SIGLEC10: variants seen among roughly 807,000 people sequenced by gnomAD.
SIGLEC10 encodes sialic acid-binding Ig-like lectin 10.
Under a neutral mutation model 68.3 loss-of-function variants are expected in SIGLEC10, and 45 were observed. That is an observed-to-expected ratio of 0.66 (90% confidence interval 0.52 to 0.84). The LOEUF is 0.84. Among genes scored for constraint, SIGLEC10 ranks in the 40% least tolerant of loss-of-function variants. The probability of loss-of-function intolerance (pLI) is 0.00; values close to 1 mark genes in which losing one functional copy is unlikely to be tolerated. For missense variants in SIGLEC10, 789 were observed against 883.1 expected (o/e 0.89, Z 1.35); for synonymous variants, 379 against 370.8 (o/e 1.02, Z -0.26).
Position 51,410,994 on chromosome 19 carries a change from G to GAGAA in SIGLEC10, c.*104_*105insTTCT. 1 of 824,412 alleles carries GAGAA rather than the reference G, an allele frequency of 1.2e-6. No individual in the cohort carries two copies. The highest frequency in any genetic ancestry group is 3.3e-5 in the East Asian group (1 of 30,562). The allele number at this position is 824,412 out of a possible 1,614,324, so 51.1% of individuals were successfully genotyped here. A position where few individuals can be genotyped will look rare whatever the true frequency, so the allele number is the denominator to read the frequency against. The stretch of plus-strand genomic sequence containing the variant: ...AGAGAAAGAGAGAGAGAGAGAGAAA[G>GAGAA]AGAGAGAGAGAGGGAGAGAAGGAAA... On this transcript the variant is annotated 3_prime_UTR_variant, in exon 11 of 11. Coordinates refer to ENST00000339313, the MANE Select transcript of SIGLEC10 (RefSeq NM_033130.5).
rs998518465 is a variant in SIGLEC10, at chr19:51,411,074, C to T, written c.*25G>A. On this transcript the variant is annotated 3_prime_UTR_variant, in exon 11 of 11. Coordinates refer to ENST00000339313, the MANE Select transcript of SIGLEC10 (RefSeq NM_033130.5). The stretch of plus-strand genomic sequence containing the variant: ...CTCTACCTTCCTCCCTAGCCGAAGT[C>T]CCAGTCCTAAAGCCTAAGAGACCCT... 1.2e-6 allele frequency: 2 copies of T among 1,600,640 alleles called. No homozygotes were observed. The highest frequency in any genetic ancestry group is 2.7e-5 in the African/African-American group (2 of 74,192).
At chr19:51,416,265 A>G (rs750535320) in intron 4 of SIGLEC10, 45 bp downstream of exon 4, 11 of 1,613,474 alleles carry the variant, frequency 6.8e-6, no homozygotes, top group Middle Eastern at 1.7e-4. Flanking sequence ...AAGCCTTTTC[A>G]TCTAAAGACA....
Position 51,414,537 on chromosome 19 carries a change from T to C in SIGLEC10, c.1616-22A>G. ...TTATCTGCACACGGAGAGGGCAAGGTGAGCATTTCCCATCCACGCAGGGCT... is the reference window on the plus strand; with the variant it reads ...TTATCTGCACACGGAGAGGGCAAGGCGAGCATTTCCCATCCACGCAGGGCT... On this transcript the variant is annotated intron_variant, in intron 8 of 10. Transcript: ENST00000339313. The surrounding 1 kb of genome is among the most constrained non-coding windows in gnomAD (Gnocchi z 4.1). 1 of 1,608,628 alleles carries C rather than the reference T, an allele frequency of 6.2e-7. No homozygotes were observed. The highest frequency in any genetic ancestry group is 1.3e-5 in the African/African-American group (1 of 74,910).
At position 51,413,716 on chromosome 19, in the gene SIGLEC10, G is replaced by A. The variant is rs1988220102; in HGVS notation, c.1817C>T (p.Pro606Leu). The change falls in exon 10 of 11, where the codon CCC (proline) becomes CTC (leucine). Residue 606 changes from proline (P) to leucine (L), a missense_variant. Physicochemically the swap from Pro to Leu is moderately conservative, Grantham distance 98 (BLOSUM62 -3). Coordinates refer to ENST00000339313, the MANE Select transcript of SIGLEC10 (RefSeq NM_033130.5). ...AAGCATGGCCCAGACACTCACCAGG[G>A]GGCCAGCCGTCGGGACCACATTGAT... ...DYINVVPTAG[P>L]LAQKRNQKAT... The A allele has an allele frequency of 6.2e-7, 1 of 1,613,934 alleles. No homozygotes were observed. Among genetic ancestry groups the A allele is most frequent in the East Asian group, 2.2e-5 (1 of 44,876 alleles).
chr19:51,410,946 G>A lies in SIGLEC10; in HGVS notation c.*153C>T. 2 of 924,312 alleles carry A rather than the reference G, an allele frequency of 2.2e-6. No homozygotes were observed. Among genetic ancestry groups the A allele is most frequent in the Non-Finnish European group, 3.2e-6 (2 of 623,898 alleles). 57.3% of individuals were successfully genotyped at this position (924,312 alleles called of 1,614,324 possible). A position where few individuals can be genotyped will look rare whatever the true frequency, so the allele number is the denominator to read the frequency against. ...TTACAGGCGTGAGCCACTGTGCCCTGGCCAGATGTTTTTTTAAAAGAGAGA... is the reference window on the plus strand; with the variant it reads ...TTACAGGCGTGAGCCACTGTGCCCTAGCCAGATGTTTTTTTAAAAGAGAGA... On this transcript the variant is annotated 3_prime_UTR_variant, in exon 11 of 11. Transcript: ENST00000339313.
Position 51,415,360 on chromosome 19 carries a change from C to T in SIGLEC10, c.1151G>A (p.Ser384Asn). The change falls in exon 7 of 11, where the codon AGC (serine) becomes AAC (asparagine). Residue 384 changes from serine to asparagine, a missense_variant. Ser to Asn is a conservative substitution (Grantham distance 46). Transcript: ENST00000339313. ...CCAGCTCAGCCTGGCTGGGGGGCTG[C>T]TGTGTGTGACACAGACCAGGCACAG... ...QSLCLVCVTH[S>N]SPPARLSWTQ... The T allele has an allele frequency of 6.2e-7, 1 of 1,613,062 alleles. No individual in the cohort carries two copies. The highest frequency in any genetic ancestry group is 8.5e-7 in the Non-Finnish European group (1 of 1,179,412).
chr19:51,416,468 A>G lies in SIGLEC10; in HGVS notation c.707-111T>C, dbSNP rs148631225. On this transcript the variant is annotated intron_variant, in intron 3 of 10. Coordinates refer to ENST00000339313, the MANE Select transcript of SIGLEC10 (RefSeq NM_033130.5). ...GACTATCCCGGGAAGACAAGTGACA[A>G]CCAGCGCCAGGGCTCACGTGTGTGG... The G allele has an allele frequency of 4.9e-5, 78 of 1,607,122 alleles. 1 individual carries two copies. The East Asian group carries it at 6.9e-4, about 14-fold the overall frequency.
chr19:51,416,896 G>A lies in SIGLEC10; in HGVS notation c.476C>T (p.Pro159Leu), dbSNP rs143118289. ...GTTAAACACACAGATGACCGTCACCGGCTGCCCGGGCTCCAGGGTCTCGGG... is the reference window on the plus strand; with the variant it reads ...GTTAAACACACAGATGACCGTCACCAGCTGCCCGGGCTCCAGGGTCTCGGG... ...YIPETLEPGQPVTVICVFNWA... is the reference protein window; with the variant it reads ...YIPETLEPGQLVTVICVFNWA... The change falls in exon 3 of 11, where the codon CCG (proline) becomes CTG (leucine). Residue 159 changes from proline to leucine, a missense_variant. Physicochemically the swap from Pro to Leu is moderately conservative, Grantham distance 98 (BLOSUM62 -3). Coordinates refer to ENST00000339313, the MANE Select transcript of SIGLEC10 (RefSeq NM_033130.5). 55 of 1,613,990 alleles carry A rather than the reference G, an allele frequency of 3.4e-5. No individual in the cohort carries two copies. Among genetic ancestry groups the A allele is most frequent in the Admixed American group, 3.3e-4 (20 of 60,002 alleles).
Position 51,413,765 on chromosome 19 carries a change from G to C in SIGLEC10, c.1768C>G (p.Arg590Gly), listed in dbSNP as rs376850541. 16 of 1,613,972 alleles carry C rather than the reference G, an allele frequency of 9.9e-6. No homozygotes were observed. The highest frequency in any genetic ancestry group is 1.0e-5 in the Non-Finnish European group (12 of 1,180,022). ...ATGTAATCCAGGATCGTGCTGTGCC[G>C]GGAGAACCTGGGCCTCGGGGTTTCT... is the stretch of plus-strand genomic sequence containing the variant. ...QTETPRPRFS[R>G]HSTILDYINV... The change falls in exon 10 of 11, where the codon CGG (arginine) becomes GGG (glycine). Residue 590 changes from arginine (R) to glycine (G), a missense_variant. Coordinates refer to ENST00000339313, the MANE Select transcript of SIGLEC10 (RefSeq NM_033130.5).
chr19:51,413,039 C>G (rs577959596), intron 10 of SIGLEC10, among the ~76,000 whole-genome samples: 4 of 152,166 alleles, frequency 2.6e-5, no homozygotes, highest in African/African-American at 7.2e-5. Flanking sequence ...TGATTAGACA[C>G]CCACATGGAG....
At chr19:51,415,803 G>C in intron 5 of SIGLEC10, 95 bp downstream of exon 5, 1 of 1,585,702 alleles carries the variant, frequency 6.3e-7, no homozygotes, top group Admixed American at 1.8e-5. Context: ...CCGAGGCCTG[G>C]GGCTCCAGGC....
At chr19:51,415,641 C>A in intron 5 of SIGLEC10, 26 bp from the exon 6 acceptor site, 1 of 1,613,896 alleles carries the variant, frequency 6.2e-7, no homozygotes, top group Non-Finnish European at 8.5e-7. Flanking sequence ...GGGACCGGCT[C>A]TAGACGGACC....
At position 51,414,734 on chromosome 19, in the gene SIGLEC10, C is replaced by T. The variant is rs1260921311; in HGVS notation, c.1615+90G>A. The T allele has an allele frequency of 3.8e-6, 6 of 1,582,758 alleles. No individual in the cohort carries two copies. In the African/African-American group the frequency reaches 8.2e-5, roughly 22 times the overall value. On this transcript the variant is annotated intron_variant, in intron 8 of 10. Transcript: ENST00000339313. This position sits in a 1 kb window ranked among gnomAD's most constrained non-coding sequence, Gnocchi z 4.1. ...CAGATGCCACGGGTCTGCTGTGTCC[C>T]TCCAAGCTCCTGCTCCAACCACAGG...
rs762968568 is a variant in SIGLEC10, at chr19:51,415,015, C to A, written c.1424G>T (p.Arg475Leu). ...SSQASPAPSL[R>L]WWLGEELLEG... ...CAGCAGCTCCTCCCCAAGCCACCAG[C>A]GCAGAGAGGGGGCCGGGCTGGCCTG... Residue 475 changes from arginine to leucine, a missense_variant, in exon 8 of 11, where the codon CGC (arginine) becomes CTC (leucine). Physicochemically the swap from Arg to Leu is moderately radical, Grantham distance 102. Transcript: ENST00000339313. The A allele has an allele frequency of 2.5e-6, 4 of 1,611,162 alleles. No individual in the cohort carries two copies. Among genetic ancestry groups the A allele is most frequent in the Non-Finnish European group, 3.4e-6 (4 of 1,179,332 alleles).
Position 51,414,723 on chromosome 19 carries a change from C to T in SIGLEC10, c.1615+101G>A. On this transcript the variant is annotated intron_variant, in intron 8 of 10. Coordinates refer to ENST00000339313, the MANE Select transcript of SIGLEC10 (RefSeq NM_033130.5). This position sits in a 1 kb window ranked among gnomAD's most constrained non-coding sequence, Gnocchi z 4.1. Reference sequence around the variant, plus strand: ...CTGTCTACATACAGATGCCACGGGTCTGCTGTGTCCCTCCAAGCTCCTGCT... The same window carrying T: ...CTGTCTACATACAGATGCCACGGGTTTGCTGTGTCCCTCCAAGCTCCTGCT... 6 of 1,554,724 alleles carry T rather than the reference C, an allele frequency of 3.9e-6. No individual in the cohort carries two copies. Among genetic ancestry groups the T allele is most frequent in the Non-Finnish European group, 5.3e-6 (6 of 1,138,332 alleles).
intron 10 of SIGLEC10, among the ~76,000 whole-genome samples, chr19:51,413,477 T>C (rs1281719935): frequency 6.6e-6 from 1 of 152,208 alleles, no homozygotes; most frequent in Non-Finnish European, 1.5e-5. Flanking sequence ...AGAAAGTGCA[T>C]GTATTCTAAT....
At position 51,416,426 on chromosome 19, in the gene SIGLEC10, C is replaced by T. The variant is rs917262288; in HGVS notation, c.707-69G>A. On this transcript the variant is annotated intron_variant, in intron 3 of 10. Coordinates refer to ENST00000339313, the MANE Select transcript of SIGLEC10 (RefSeq NM_033130.5). ...TCCTCACACCTGGAAAAAACTCCCTCAGGGAAAAGAAAGTGGGACTATCCC... is the reference window on the plus strand; with the variant it reads ...TCCTCACACCTGGAAAAAACTCCCTTAGGGAAAAGAAAGTGGGACTATCCC... 8.1e-6 allele frequency: 13 copies of T among 1,613,198 alleles called. No individual in the cohort carries two copies. In the African/African-American group the frequency reaches 1.6e-4, roughly 20 times the overall value.
chr19:51,413,714 G>A lies in SIGLEC10; in HGVS notation c.1819C>T (p.Leu607=), dbSNP rs769577408. 6.8e-6 allele frequency: 11 copies of A among 1,613,230 alleles called. No individual in the cohort carries two copies. The African/African-American group carries it at 9.3e-5, about 14-fold the overall frequency. ...YINVVPTAGP[L]AQKRNQKATP... is the part of the protein sequence containing the mutation. Reference sequence around the variant, plus strand: ...GGAAGCATGGCCCAGACACTCACCAGGGGGCCAGCCGTCGGGACCACATTG... The same window carrying A: ...GGAAGCATGGCCCAGACACTCACCAAGGGGCCAGCCGTCGGGACCACATTG... Residue 607 remains leucine, a splice_region_variant and synonymous_variant, in exon 10 of 11, where the codon CTG becomes TTG. Transcript: ENST00000339313.
intron 10 of SIGLEC10, 39 bp downstream of exon 10, chr19:51,413,673 A>C: frequency 6.4e-7 from 1 of 1,570,642 alleles, no homozygotes; most frequent in Non-Finnish European, 8.8e-7. Flanking sequence ...TGTCAGCTTT[A>C]GAGAAGAGAA....
Sources: gnomAD v4.1 joint callset for allele counts (sites outside exome capture counted in the v4.1 genomes callset) on GRCh38, gnomAD v4.1.1 for gene constraint, Gnocchi (gnomAD v3.1) non-coding constraint, MANE v1.5 for transcripts, NCBI Gene and HGNC (gene_info 2026-07-23, HGNC 2026-07-21) for gene names.